Variants in CRACDL observed in about 807,000 individuals in gnomAD.
The protein encoded by CRACDL is CRACD-like protein.
A neutral mutation model predicts 70.6 loss-of-function variants in CRACDL; 26 were observed. The ratio of observed to expected loss-of-function variants is 0.37; its 90% CI spans 0.27 to 0.51. CRACDL has a LOEUF of 0.51. Among genes scored for constraint, CRACDL ranks in the 20% least tolerant of loss-of-function variants. The pLI, the probability that CRACDL is intolerant of heterozygous loss-of-function variation, is 0.94. For synonymous variants in CRACDL, 618 were observed against 615.2 expected (o/e 1.00, Z -0.07); for missense variants, 1,283 against 1,376.9 (o/e 0.93, Z 1.08).
At chr2:98,932,628 G>A (rs540369345) in intron 1 of CRACDL, among the ~76,000 whole-genome samples, 7 of 152,224 alleles carry the variant, frequency 4.6e-5, no homozygotes, top group African/African-American at 1.4e-4. Context: ...CCGCAACGCC[G>A]CTGCCAGCTA....
chr2:98,829,718 T>G (rs1382700812), intron 5 of CRACDL, among the ~76,000 whole-genome samples: 2 of 152,192 alleles, frequency 1.3e-5, no homozygotes, highest in African/African-American at 2.4e-5. Flanking sequence ...AAGCTTTTCA[T>G]GGGCGGCCCT....
At chr2:98,876,833 T>G (rs899700939) in intron 1 of CRACDL, among the ~76,000 whole-genome samples, 13 of 152,202 alleles carry the variant, frequency 8.5e-5, no homozygotes, top group Non-Finnish European at 5.9e-5. Context: ...GAAATTCAGC[T>G]TTGTCTTCCC....
chr2:98,886,055 T>A (rs1385649444), intron 1 of CRACDL, among the ~76,000 whole-genome samples: 2 of 152,210 alleles, frequency 1.3e-5, no homozygotes, highest in African/African-American at 2.4e-5. Flanking sequence ...CTTGCCATAT[T>A]TCACTACCCT....
At chr2:98,857,711 G>A (rs929230754) in intron 1 of CRACDL, among the ~76,000 whole-genome samples, 15 of 152,044 alleles carry the variant, frequency 9.9e-5, no homozygotes, top group Non-Finnish European at 1.5e-4. Context: ...CCATACCAAC[G>A]ACATTAAATG....
chr2:98,859,568 C>G (rs958801879), intron 1 of CRACDL, among the ~76,000 whole-genome samples: 40 of 152,308 alleles, frequency 2.6e-4, no homozygotes, highest in Middle Eastern at 3.4e-3. Flanking sequence ...ACATTATTAT[C>G]TCAGTAGATA....
intron 1 of CRACDL, among the ~76,000 whole-genome samples, chr2:98,863,478 GT>G (rs1707014363): frequency 6.6e-6 from 1 of 152,024 alleles, no homozygotes; most frequent in African/African-American, 2.4e-5. Context: ...CTCAATAAAA[GT>G]AAATACACGG....
At chr2:98,814,046 A>G (rs567271107) in intron 7 of CRACDL, among the ~76,000 whole-genome samples, 3 of 152,192 alleles carry the variant, frequency 2.0e-5, no homozygotes, top group Non-Finnish European at 4.4e-5. Flanking sequence ...GTGGCACTCC[A>G]TAATGTTTGT....
chr2:98,846,922 C>G, intron 1 of CRACDL, 112 bp from the exon 2 acceptor site: 1 of 841,548 alleles, frequency 1.2e-6, no homozygotes, highest in Non-Finnish European at 2.0e-6. Flanking sequence ...CACACCCCAG[C>G]AAAGACAGTC....
chr2:98,829,921 CCCAAAACCCTCTGAG>C (rs1164563925), intron 5 of CRACDL, among the ~76,000 whole-genome samples: 1 of 152,182 alleles, frequency 6.6e-6, no homozygotes, highest in Admixed American at 6.5e-5. Flanking sequence ...ATCTCATCCC[CCCAAAACCCTCTGAG>C]CCAAAACCCT....
chr2:98,892,089 A>G (rs1409768020), intron 1 of CRACDL, among the ~76,000 whole-genome samples: 1 of 152,204 alleles, frequency 6.6e-6, no homozygotes, highest in Admixed American at 6.5e-5. Flanking sequence ...TGCTTGTAGG[A>G]GTAAAAAAAT....
rs950630841 is a variant in CRACDL, at chr2:98,865,805, T to A, written c.-10-18995A>T. 2.6e-5 allele frequency among the ~76,000 whole-genome samples: 4 copies of A among 151,512 alleles called. No individual in the cohort carries two copies. In the East Asian group the frequency reaches 5.8e-4, roughly 22 times the overall value. ...TGTCAAGAGGACTTTCTGCTTTTTTTTTTTTTTTTTTTGAGACGGAGTTTC... is the reference window on the plus strand; with the variant it reads ...TGTCAAGAGGACTTTCTGCTTTTTTATTTTTTTTTTTTGAGACGGAGTTTC... On this transcript the variant is annotated intron_variant, in intron 1 of 9. Coordinates refer to ENST00000397899, the MANE Select transcript of CRACDL (RefSeq NM_207362.3).
intron 7 of CRACDL, among the ~76,000 whole-genome samples, chr2:98,810,086 AG>A (rs1044514529): frequency 6.6e-6 from 1 of 152,120 alleles, no homozygotes; most frequent in African/African-American, 2.4e-5. Context: ...GCCTGGTCCA[AG>A]GATCACCCAC....
intron 1 of CRACDL, among the ~76,000 whole-genome samples, chr2:98,890,834 A>C (rs1558625341): frequency 6.6e-6 from 1 of 152,148 alleles, no homozygotes; most frequent in Non-Finnish European, 1.5e-5. Flanking sequence ...AGGTGGGTGG[A>C]CCACCTGAGG....
intron 1 of CRACDL, among the ~76,000 whole-genome samples, chr2:98,867,192 T>C (rs1390029272): frequency 1.3e-5 from 2 of 152,238 alleles, no homozygotes; most frequent in African/African-American, 4.8e-5. Flanking sequence ...CAGCATAGTT[T>C]ATAAGCATAT....
intron 6 of CRACDL, 68 bp downstream of exon 6, chr2:98,826,907 G>GA (rs1553555339): frequency 1.3e-5 from 13 of 1,008,964 alleles, no homozygotes; most frequent in Admixed American, 5.3e-5. Flanking sequence ...GAGGCAGGTT[G>GA]GGGGGGGGCA....
At chr2:98,918,539 CAAAAA>C (rs58312556) in intron 1 of CRACDL, among the ~76,000 whole-genome samples, 25,789 of 64,982 alleles carry the variant, frequency 0.4, 3,175 homozygotes, top group Admixed American at 0.47. Flanking sequence ...TGTTGTCTAC[CAAAAA>C]AAAAAAAAAA....
rs1345209842 is a variant in CRACDL, at chr2:98,822,231, G to A, written c.2042C>T (p.Pro681Leu). ...QEPAPSEDRN[P>L]FPVKLRSTSL... ...GGTGGACCGGAGCTTGACGGGGAAG[G>A]GGTTTCTGTCCTCACTCGGGGCCGG... The change falls in exon 7 of 10, where the codon CCC becomes CTC. Residue 681 changes from proline to leucine, a missense_variant. This residue lies in a region of CRACDL where 921 missense variants were observed against 881.9 expected (regional missense o/e 1.04). Coordinates refer to ENST00000397899, the MANE Select transcript of CRACDL (RefSeq NM_207362.3). This position sits in a 1 kb window ranked among gnomAD's most constrained non-coding sequence, Gnocchi z 4.9. 7.5e-6 allele frequency: 12 copies of A among 1,605,388 alleles called. No homozygotes were observed. Among genetic ancestry groups the A allele is most frequent in the African/African-American group, 1.3e-5 (1 of 74,726 alleles).
intron 7 of CRACDL, among the ~76,000 whole-genome samples, chr2:98,806,439 G>A (rs1346041143): frequency 6.6e-6 from 1 of 152,262 alleles, no homozygotes; most frequent in Non-Finnish European, 1.5e-5. Flanking sequence ...CACTTGGCAT[G>A]TCAAGGTTGG....
At chr2:98,800,183 G>C (rs888235478) in intron 7 of CRACDL, among the ~76,000 whole-genome samples, 3 of 152,192 alleles carry the variant, frequency 2.0e-5, no homozygotes, top group Non-Finnish European at 4.4e-5. Context: ...TCAAAGTCTA[G>C]TTGGGGAGAC....
Sources: allele counts gnomAD v4.1 joint callset (sites outside exome capture counted in the v4.1 genomes callset), GRCh38; gene constraint gnomAD v4.1.1; regional missense constraint gnomAD v4.1.1; non-coding constraint Gnocchi (gnomAD v3.1); transcripts MANE v1.5; gene names NCBI Gene and HGNC (gene_info 2026-07-23, HGNC 2026-07-21).